The following RAD51B variants were observed in gnomAD, a reference collection of about 807,000 sequenced individuals.
RAD51B encodes the protein DNA repair protein RAD51 homolog 2.
In RAD51B, 38 loss-of-function variants were observed where a neutral mutation model predicts 42.2. The ratio of observed to expected loss-of-function variants is 0.90; its 90% CI spans 0.70 to 1.18. The LOEUF is 1.18. Ranked by LOEUF, RAD51B falls within the 50% of genes most tolerant of loss-of-function variation. RAD51B has a pLI of 0.00. For missense variants in RAD51B, 373 were observed against 400.7 expected, an observed-to-expected ratio of 0.93 and a Z score of 0.59; for synonymous variants, 154 against 145.2, an observed-to-expected ratio of 1.06 and a Z score of -0.43.
intron 10 of RAD51B, 26 bp downstream of exon 10, chr14:68,468,276 C>T: frequency 6.3e-7 from 1 of 1,590,290 alleles, no homozygotes; most frequent in Non-Finnish European, 8.6e-7. Context: ...TAAGCCATTT[C>T]TTTAAGCTTA....
chr14:68,043,979 A>G (rs1383839652), intron 7 of RAD51B, among the ~76,000 whole-genome samples: 1 of 152,214 alleles, frequency 6.6e-6, no homozygotes, highest in East Asian at 1.9e-4. Context: ...CTTTTTAAAG[A>G]ACAGGGAAAG....
At position 67,935,702 on chromosome 14, in the gene RAD51B, TGTCTTAGATAAGTAGCCCAGCTGCA is replaced by T. The variant is rs1306925986; in HGVS notation, c.756+48504_756+48528del. ...AATTTTAAAGTGGATTCTGTTGCGTTGTCTTAGATAAGTAGCCCAGCTGCAGTCTTCTTGTTTCTTTTTTCTAAAA... is the reference window on the plus strand; with the variant it reads ...AATTTTAAAGTGGATTCTGTTGCGTTGTCTTCTTGTTTCTTTTTTCTAAAA... On this transcript the variant is annotated intron_variant, in intron 7 of 10. Coordinates refer to ENST00000471583, the MANE Select transcript of RAD51B (RefSeq NM_133510.4). Among the ~76,000 whole-genome samples the T allele has an allele frequency of 3.9e-5, 6 of 152,314 alleles. No homozygotes were observed. The South Asian group carries it at 8.3e-4, about 21-fold the overall frequency.
intron 8 of RAD51B, among the ~76,000 whole-genome samples, chr14:68,371,757 G>T (rs2083270786): frequency 6.6e-6 from 1 of 152,234 alleles, no homozygotes; most frequent in South Asian, 2.1e-4. Flanking sequence ...GGGCTGAGGT[G>T]GGAGAATGGC....
chr14:68,529,343 C>T (rs1463726413), intron 10 of RAD51B, among the ~76,000 whole-genome samples: 15 of 152,228 alleles, frequency 9.9e-5, no homozygotes, highest in East Asian at 3.8e-4. Context: ...ACTACAGGCG[C>T]GTGCCACCAC....
chr14:68,592,798 C>T (rs929579347), intron 10 of RAD51B, among the ~76,000 whole-genome samples: 3 of 152,232 alleles, frequency 2.0e-5, no homozygotes, highest in Admixed American at 6.5e-5. Flanking sequence ...CATTGATTCC[C>T]TTCGGCAAAT....
chr14:68,678,805 A>T (rs1276657887), intron 11 of RAD51B, among the ~76,000 whole-genome samples: 1 of 152,232 alleles, frequency 6.6e-6, no homozygotes, highest in Non-Finnish European at 1.5e-5. Flanking sequence ...CTGTGGCATG[A>T]AATGGCCTTG....
intron 5 of RAD51B, among the ~76,000 whole-genome samples, chr14:67,865,969 G>A (rs994653880): frequency 1.3e-5 from 2 of 152,112 alleles, no homozygotes; most frequent in African/African-American, 4.8e-5. Context: ...GAGTCACTGG[G>A]GTACTTTCTG....
chr14:68,353,735 G>T (rs948027624), intron 8 of RAD51B, among the ~76,000 whole-genome samples: 1 of 152,326 alleles, frequency 6.6e-6, no homozygotes, highest in South Asian at 2.1e-4. Context: ...TCTGGCTGTC[G>T]CAGCAGGGGG....
At position 68,429,896 on chromosome 14, in the gene RAD51B, C is replaced by G. The variant is rs183457004; in HGVS notation, c.957+18369C>G. Among the ~76,000 whole-genome samples the G allele has an allele frequency of 5.1e-3, 777 of 151,246 alleles. 1 individual carries two copies. Among genetic ancestry groups the G allele is most frequent in the Non-Finnish European group, 8.7e-3 (590 of 68,008 alleles). On this transcript the variant is annotated intron_variant, in intron 9 of 10. Coordinates refer to ENST00000471583, the MANE Select transcript of RAD51B (RefSeq NM_133510.4). ...ATGGTTTTAGGTCCAACATGTAAGT[C>G]TTTAATCCATCTTGAATTAATTTTT...
At chr14:68,268,546 C>A (rs761706185) in intron 7 of RAD51B, among the ~76,000 whole-genome samples, 13 of 152,178 alleles carry the variant, frequency 8.5e-5, no homozygotes, top group Non-Finnish European at 1.5e-4. Context: ...CATCTCATCA[C>A]AATTAGAATC....
chr14:67,974,236 T>G (rs1261254320), intron 7 of RAD51B, among the ~76,000 whole-genome samples: 1 of 152,116 alleles, frequency 6.6e-6, no homozygotes, highest in African/African-American at 2.4e-5. Flanking sequence ...GGGACCAGGC[T>G]AAATTTTAGG....
intron 8 of RAD51B, among the ~76,000 whole-genome samples, chr14:68,292,464 C>T (rs900543087): frequency 2.0e-5 from 3 of 152,202 alleles, no homozygotes; most frequent in African/African-American, 7.2e-5. Flanking sequence ...TCTCCACCCT[C>T]CCCTGCTAGC....
At chr14:68,145,299 C>T (rs1264482420) in intron 7 of RAD51B, among the ~76,000 whole-genome samples, 1 of 152,184 alleles carries the variant, frequency 6.6e-6, no homozygotes, top group Non-Finnish European at 1.5e-5. Context: ...GAGACTGCAT[C>T]CTACTGGAAA....
chr14:68,093,866 G>A (rs1342976485), intron 7 of RAD51B, among the ~76,000 whole-genome samples: 2 of 152,108 alleles, frequency 1.3e-5, no homozygotes, highest in African/African-American at 2.4e-5. Context: ...TATGTACTGA[G>A]GGGTAGGATT....
chr14:68,372,354 G>GT (rs910708571), intron 8 of RAD51B, among the ~76,000 whole-genome samples: 39 of 149,014 alleles, frequency 2.6e-4, no homozygotes, highest in Admixed American at 3.3e-4. Context: ...GTCAAAGGAG[G>GT]TTTTTTTTTT....
intron 7 of RAD51B, among the ~76,000 whole-genome samples, chr14:68,123,592 G>A (rs1202749612): frequency 6.6e-6 from 1 of 152,134 alleles, no homozygotes; most frequent in African/African-American, 2.4e-5. Flanking sequence ...TGGATCACTT[G>A]AGGTCAGGAG....
chr14:68,329,599 T>C (rs1214708578), intron 8 of RAD51B, among the ~76,000 whole-genome samples: 1 of 152,212 alleles, frequency 6.6e-6, no homozygotes, highest in Non-Finnish European at 1.5e-5. Flanking sequence ...AATTAAATAT[T>C]GCTAAAACCC....
chr14:68,675,161 C>A (rs1202028505), intron 11 of RAD51B, among the ~76,000 whole-genome samples: 4 of 152,152 alleles, frequency 2.6e-5, no homozygotes, highest in African/African-American at 7.2e-5. Context: ...GGTAGACAAG[C>A]AAGGCCTCTC....
At chr14:68,511,743 C>G (rs1885743281) in intron 10 of RAD51B, among the ~76,000 whole-genome samples, 3 of 152,278 alleles carry the variant, frequency 2.0e-5, no homozygotes, top group Admixed American at 6.5e-5. Flanking sequence ...CTAGGCCAGG[C>G]TTTCATTTTA....
Sources: gnomAD v4.1 joint callset for allele counts (sites outside exome capture counted in the v4.1 genomes callset) on GRCh38, gnomAD v4.1.1 for gene constraint, MANE v1.5 for transcripts, NCBI Gene and HGNC (gene_info 2026-07-23, HGNC 2026-07-21) for gene names.